TSHZ3: variants seen among roughly 807,000 people sequenced by gnomAD.
The protein encoded by TSHZ3 is teashirt homolog 3.
In TSHZ3, 10 loss-of-function variants were observed where a neutral mutation model predicts 64.5. The observed-to-expected ratio is 0.16, with a 90% confidence interval of 0.10 to 0.26. The LOEUF (loss-of-function observed/expected upper bound fraction) is 0.26. Ranked by LOEUF, TSHZ3 falls within the 10% of genes least tolerant of loss-of-function variation. TSHZ3 has a pLI of 1.00. For missense variants in TSHZ3, 1,242 were observed against 1,421.7 expected (o/e 0.87, Z 2.03); for synonymous variants, 608 against 593.1 (o/e 1.03, Z -0.36).
intron 1 of TSHZ3, among the ~76,000 whole-genome samples, chr19:31,307,161 C>T (rs1916323824): frequency 6.6e-6 from 1 of 152,190 alleles, no homozygotes; most frequent in Admixed American, 6.5e-5. Context: ...CATCTATTCC[C>T]ATAATTTTGG....
chr19:31,209,163 ACTG>A (rs1975226991), intron 4 of TSHZ3, among the ~76,000 whole-genome samples: 1 of 152,188 alleles, frequency 6.6e-6, no homozygotes. Flanking sequence ...AAAGCCTGGG[ACTG>A]AGCTGCCCGT....
At chr19:31,300,446 T>G (rs1219056525) in intron 1 of TSHZ3, among the ~76,000 whole-genome samples, 1 of 152,212 alleles carries the variant, frequency 6.6e-6, no homozygotes, top group East Asian at 1.9e-4. Flanking sequence ...ACACAAATTT[T>G]TTTTATATCA....
rs190609814 is a variant in TSHZ3, at chr19:31,201,820, C to T, written n.809+3136G>A. Among the ~76,000 whole-genome samples, 3 of 152,258 alleles carry T rather than the reference C, an allele frequency of 2.0e-5. No individual in the cohort carries two copies. In the East Asian group the frequency reaches 5.8e-4, roughly 29 times the overall value. On this transcript the variant is annotated intron_variant and non_coding_transcript_variant, in intron 5 of 6. Transcript: ENST00000651361. ...TTAAATGTTAGAAAGCACTGAGATC[C>T]AGTTTTTAATGGAAATATCATCTAT...
At chr19:31,312,782 C>T (rs1049260756) in intron 1 of TSHZ3, among the ~76,000 whole-genome samples, 1 of 152,102 alleles carries the variant, frequency 6.6e-6, no homozygotes, top group Admixed American at 6.6e-5. Flanking sequence ...AGAAAGTATC[C>T]GGTGGGTGCT....
At position 31,278,647 on chromosome 19, in the gene TSHZ3, C is replaced by A; in HGVS notation, c.1146G>T (p.Lys382Asn). The A allele has an allele frequency of 6.2e-7, 1 of 1,614,172 alleles. No individual in the cohort carries two copies. Among genetic ancestry groups the A allele is most frequent in the Non-Finnish European group, 8.5e-7 (1 of 1,180,012 alleles). ...ACTCCATGCACTTCAGGATCTGCGACTTCCGGGCCTCAAAGTGCCATGCAT... is the reference window on the plus strand; with the variant it reads ...ACTCCATGCACTTCAGGATCTGCGAATTCCGGGCCTCAAAGTGCCATGCAT... ...ASYAWHFEARKSQILKCMECG... is the reference protein window; with the variant it reads ...ASYAWHFEARNSQILKCMECG... Residue 382 changes from lysine (K) to asparagine (N), a missense_variant, in exon 2 of 2, where the codon AAG (lysine) becomes AAT (asparagine). Physicochemically the swap from Lys to Asn is moderately conservative, Grantham distance 94. This residue lies in a region of TSHZ3 where 555 missense variants were observed against 704.0 expected (regional missense o/e 0.79). Transcript: ENST00000240587. The surrounding 1 kb of genome is among the most constrained non-coding windows in gnomAD (Gnocchi z 4.7).
At chr19:31,330,238 A>G (rs759023873) in intron 1 of TSHZ3, among the ~76,000 whole-genome samples, 6 of 152,128 alleles carry the variant, frequency 3.9e-5, no homozygotes, top group Non-Finnish European at 7.3e-5. Context: ...AAAACTCGCT[A>G]AACTCTCAAC....
rs1021335370 is a variant in TSHZ3 at position 31,276,589 on chromosome 19, C to T, written c.3204G>A (p.Pro1068=). 8.2e-6 allele frequency: 13 copies of T among 1,588,718 alleles called. No individual in the cohort carries two copies. The highest frequency in any genetic ancestry group is 5.7e-5 in the South Asian group (5 of 87,840). The change falls in exon 2 of 2, where the codon CCG becomes CCA. Residue 1068 remains proline (P), a synonymous_variant. Transcript: ENST00000240587. ...CAGAGACATACAGAAGGTGGTCTTC[C>T]GGAGATTTCCCGTGTGTTTTGCTAA... ...LHLSKTHGKS[P]EDHLLYVSEL...
At chr19:31,321,296 G>A (rs901950661) in intron 1 of TSHZ3, among the ~76,000 whole-genome samples, 26 of 152,224 alleles carry the variant, frequency 1.7e-4, no homozygotes, top group African/African-American at 6.3e-4. Flanking sequence ...GCTGACATGG[G>A]AGACAGGCAG....
At chr19:31,255,469 G>A (rs552860243) in intron 1 of TSHZ3, among the ~76,000 whole-genome samples, 20 of 152,144 alleles carry the variant, frequency 1.3e-4, no homozygotes, top group South Asian at 6.2e-4. Context: ...AATCATACCC[G>A]GCCTTATTTT....
chr19:31,208,706 G>A (rs1260150852), intron 4 of TSHZ3, among the ~76,000 whole-genome samples: 4 of 152,200 alleles, frequency 2.6e-5, no homozygotes, highest in African/African-American at 9.7e-5. Context: ...GGGCAGTGAA[G>A]ACATGGTTTA....
chr19:31,184,283 C>T (rs1475131479), intron 5 of TSHZ3, among the ~76,000 whole-genome samples: 3 of 152,152 alleles, frequency 2.0e-5, no homozygotes, highest in African/African-American at 7.2e-5. Context: ...AAAGCACCAA[C>T]TTTGTGAAGA....
rs559844422 is a variant in TSHZ3, at chr19:31,155,739, T to C, written n.871+617A>G. Among the ~76,000 whole-genome samples the C allele has an allele frequency of 2.0e-5, 3 of 152,314 alleles. No homozygotes were observed. The South Asian group carries it at 6.2e-4, about 32-fold the overall frequency. On this transcript the variant is annotated intron_variant and non_coding_transcript_variant, in intron 6 of 6. Transcript: ENST00000651361. ...TGCCCCTGATAATTTGACTTCTATCTTGCCTTCCTAGCCTCTACCTGTTTC... is the reference window on the plus strand; with the variant it reads ...TGCCCCTGATAATTTGACTTCTATCCTGCCTTCCTAGCCTCTACCTGTTTC...
intron 4 of TSHZ3, among the ~76,000 whole-genome samples, chr19:31,208,080 A>T (rs936378055): frequency 1.3e-5 from 2 of 152,188 alleles, no homozygotes; most frequent in African/African-American, 4.8e-5. Flanking sequence ...TCACACAGAG[A>T]ATGTGTTCAA....
Position 31,327,988 on chromosome 19 carries a change from C to T in TSHZ3, c.40+21192G>A, listed in dbSNP as rs574606674. ...GGCATTTGACAACATCATTCTAGAG[C>T]CTTTAGTTACTGAGATATCAATAAT... On this transcript the variant is annotated intron_variant, in intron 1 of 1. Coordinates refer to ENST00000240587, the MANE Select transcript of TSHZ3 (RefSeq NM_020856.4). Among the ~76,000 whole-genome samples, 18 of 152,322 alleles carry T rather than the reference C, an allele frequency of 1.2e-4. No homozygotes were observed. The South Asian group carries it at 3.5e-3, about 30-fold the overall frequency.
rs1174629764 is a variant in TSHZ3 at position 31,349,385 on chromosome 19, TC to T, written c.-167del. ...TGCTGCTGCGCCCAGGCTCTCCGCG[TC>T]CCCCCCGCGCCGCGCTCCGCCGCGA... On this transcript the variant is annotated 5_prime_UTR_variant, in exon 1 of 2. Coordinates refer to ENST00000240587, the MANE Select transcript of TSHZ3 (RefSeq NM_020856.4). The T allele has an allele frequency of 2.3e-5, 11 of 484,136 alleles. No homozygotes were observed. The highest frequency in any genetic ancestry group is 2.6e-5 in the Non-Finnish European group (8 of 307,738). 30.0% of individuals were successfully genotyped at this position (484,136 alleles called of 1,614,324 possible).
At chr19:31,155,486 G>A (rs1974294955) in intron 6 of TSHZ3, among the ~76,000 whole-genome samples, 1 of 152,198 alleles carries the variant, frequency 6.6e-6, no homozygotes, top group African/African-American at 2.4e-5. Flanking sequence ...TGCATTTTGA[G>A]GACATATCTT....
Position 31,278,082 on chromosome 19 carries a change from T to G in TSHZ3, c.1711A>C (p.Thr571Pro), listed in dbSNP as rs768997203. 7 of 1,613,962 alleles carry G rather than the reference T, an allele frequency of 4.3e-6. 1 individual carries two copies. The South Asian group carries it at 6.6e-5, about 15-fold the overall frequency. ...TTGCCAAACATGGGTTTCAGGGGCG[T>G]GCTCTTCCCCGACGAGCCCAGGGAC... ...KLSLGSSGKS[T>P]PLKPMFGNSE... The change falls in exon 2 of 2, where the codon ACG (threonine) becomes CCG (proline). Residue 571 changes from threonine to proline, a missense_variant. Thr to Pro is a conservative substitution (Grantham distance 38). Around this residue, in one of 4 missense-constraint regions of TSHZ3, gnomAD observed 550 missense variants for 545.1 expected, o/e 1.01. Coordinates refer to ENST00000240587, the MANE Select transcript of TSHZ3 (RefSeq NM_020856.4). The surrounding 1 kb of genome is among the most constrained non-coding windows in gnomAD (Gnocchi z 4.7).
At position 31,277,516 on chromosome 19, in the gene TSHZ3, C is replaced by A. The variant is rs767269125; in HGVS notation, c.2277G>T (p.Glu759Asp). 1 of 1,604,328 alleles carries A rather than the reference C, an allele frequency of 6.2e-7. No homozygotes were observed. The highest frequency in any genetic ancestry group is 1.1e-5 in the South Asian group (1 of 90,026). Reference sequence around the variant, plus strand: ...GCGGCGGGGTGGCCACAGCAGCCTTCTCCGCCAGGCTGTTGCTCATCTTGA... The same window carrying A: ...GCGGCGGGGTGGCCACAGCAGCCTTATCCGCCAGGCTGTTGCTCATCTTGA... The part of the protein sequence containing the change: ...MLFKMSNSLA[E>D]KAAVATPPPL... Residue 759 changes from glutamate (E) to aspartate (D), a missense_variant, in exon 2 of 2, where the codon GAG becomes GAT. Coordinates refer to ENST00000240587, the MANE Select transcript of TSHZ3 (RefSeq NM_020856.4). This position sits in a 1 kb window ranked among gnomAD's most constrained non-coding sequence, Gnocchi z 4.5.
At chr19:31,234,986 C>T (rs1975586648) in intron 3 of TSHZ3, among the ~76,000 whole-genome samples, 2 of 151,992 alleles carry the variant, frequency 1.3e-5, no homozygotes, top group Admixed American at 1.3e-4. Context: ...ATCACAACAC[C>T]GAATTTCTTG....
Sources: allele counts gnomAD v4.1 joint callset (sites outside exome capture counted in the v4.1 genomes callset), GRCh38; gene constraint gnomAD v4.1.1; regional missense constraint gnomAD v4.1.1; non-coding constraint Gnocchi (gnomAD v3.1); transcripts MANE v1.5; gene names NCBI Gene and HGNC (gene_info 2026-07-23, HGNC 2026-07-21).